Variants in CLDN10 observed in about 807,000 individuals in gnomAD.
The protein encoded by CLDN10 is claudin 10.
In CLDN10, 15 loss-of-function variants were observed where a neutral mutation model predicts 22.9. That is an observed-to-expected ratio of 0.65 (90% confidence interval 0.44 to 1.01). CLDN10 has a LOEUF of 1.01. Among genes scored for constraint, CLDN10 ranks in the 50% least tolerant of loss-of-function variants. The probability of loss-of-function intolerance (pLI) is 0.00; values close to 1 mark genes in which losing one functional copy is unlikely to be tolerated. For synonymous variants in CLDN10, 114 were observed against 111.4 expected, an observed-to-expected ratio of 1.02 and a Z score of -0.15; for missense variants, 247 against 287.8, an observed-to-expected ratio of 0.86 and a Z score of 1.03.
intron 1 of CLDN10, among the ~76,000 whole-genome samples, chr13:95,500,925 T>C (rs1272756173): frequency 6.6e-6 from 1 of 151,602 alleles, no homozygotes; most frequent in African/African-American, 2.4e-5. Context: ...GCAAAAGGAG[T>C]GGAAGAAGCA....
At chr13:95,456,329 T>A (rs2042481519) in intron 1 of CLDN10, among the ~76,000 whole-genome samples, 2 of 152,174 alleles carry the variant, frequency 1.3e-5, no homozygotes, top group South Asian at 4.1e-4. Flanking sequence ...CTGTTCCTTG[T>A]CTCCACAAAT....
intron 1 of CLDN10, among the ~76,000 whole-genome samples, chr13:95,440,156 C>T (rs2042311317): frequency 6.6e-6 from 1 of 152,114 alleles, no homozygotes; most frequent in African/African-American, 2.4e-5. Context: ...TCGTGATCCA[C>T]CCACCTCAGC....
intron 1 of CLDN10, among the ~76,000 whole-genome samples, chr13:95,442,559 A>G (rs535590740): frequency 1.3e-5 from 2 of 152,338 alleles, no homozygotes; most frequent in African/African-American, 4.8e-5. Flanking sequence ...TGAGTCAATC[A>G]CACGTTCTAA....
chr13:95,532,296 C>A (rs531706735), intron 1 of CLDN10, among the ~76,000 whole-genome samples: 17 of 152,058 alleles, frequency 1.1e-4, no homozygotes, highest in African/African-American at 4.1e-4. Context: ...ACAGCTCTTA[C>A]AAAAACAAAG....
chr13:95,539,779 C>A (rs923943080), intron 1 of CLDN10, among the ~76,000 whole-genome samples: 1 of 152,128 alleles, frequency 6.6e-6, no homozygotes, highest in African/African-American at 2.4e-5. Context: ...AGTTATAATT[C>A]TGTTTCTATA....
At chr13:95,522,199 T>C (rs533225612) in intron 1 of CLDN10, among the ~76,000 whole-genome samples, 1 of 152,024 alleles carries the variant, frequency 6.6e-6, no homozygotes, top group Non-Finnish European at 1.5e-5. Flanking sequence ...TCTTTTTCTG[T>C]TTATTTGAGA....
chr13:95,489,898 G>A (rs1347685819), intron 1 of CLDN10, among the ~76,000 whole-genome samples: 2 of 152,134 alleles, frequency 1.3e-5, no homozygotes, highest in Non-Finnish European at 2.9e-5. Context: ...TTTGTTTAAG[G>A]TGAGAGATGA....
chr13:95,461,447 T>G (rs1266121186), intron 1 of CLDN10, among the ~76,000 whole-genome samples: 1 of 152,228 alleles, frequency 6.6e-6, no homozygotes, highest in Non-Finnish European at 1.5e-5. Context: ...TGCCTTTGAT[T>G]CCTGTTCACT....
chr13:95,434,690 C>A (rs2042249341), intron 1 of CLDN10, among the ~76,000 whole-genome samples: 1 of 151,924 alleles, frequency 6.6e-6, no homozygotes, highest in African/African-American at 2.4e-5. Context: ...TTGGAACTGG[C>A]AAACGATGGC....
chr13:95,540,291 C>T (rs967582204), intron 1 of CLDN10, among the ~76,000 whole-genome samples: 1 of 137,278 alleles, frequency 7.3e-6, no homozygotes, highest in Non-Finnish European at 1.5e-5. Context: ...CAGAGGGAGA[C>T]TCTGTCTCAA....
At chr13:95,486,292 G>A (rs2042802493) in intron 1 of CLDN10, among the ~76,000 whole-genome samples, 2 of 152,276 alleles carry the variant, frequency 1.3e-5, no homozygotes, top group South Asian at 4.1e-4. Context: ...GGAGGCCGAT[G>A]TGGGTGGATC....
chr13:95,552,755 T>TGGCTAGCAC lies in CLDN10; in HGVS notation c.7_15dup (p.Thr4_Ser6dup). ...GCGAGCGCGGCTGCAGCCGGCGGCA[T>TGGCTAGCAC]GGCTAGCACGGCTTCGGAGATCATC... On this transcript the variant is annotated inframe_insertion, in exon 1 of 5. Transcript: ENST00000299339. 1.2e-6 allele frequency: 2 copies of TGGCTAGCAC among 1,608,666 alleles called. No homozygotes were observed. The highest frequency in any genetic ancestry group is 1.7e-6 in the Non-Finnish European group (2 of 1,177,912).
At position 95,488,448 on chromosome 13, in the gene CLDN10, A is replaced by T. The variant is rs564340493; in HGVS notation, c.214+54401A>T. On this transcript the variant is annotated intron_variant, in intron 1 of 4. Transcript: ENST00000376873. ...AAATTCTTTAGTGGTGATTTGTGAG[A>T]TTTTGGTGCATCCATCACCCGAGCA... Among the ~76,000 whole-genome samples the T allele has an allele frequency of 8.6e-4, 130 of 151,888 alleles. 3 individuals carry two copies. Among genetic ancestry groups the T allele is most frequent in the Admixed American group, 7.7e-3 (117 of 15,224 alleles).
At position 95,552,982 on chromosome 13, in the gene CLDN10, C is replaced by A. The variant is rs779532016; in HGVS notation, c.220+9C>A. 1 of 1,612,878 alleles carries A rather than the reference C, an allele frequency of 6.2e-7. No homozygotes were observed. Among genetic ancestry groups the A allele is most frequent in the African/African-American group, 1.3e-5 (1 of 74,928 alleles). On this transcript the variant is annotated intron_variant, in intron 1 of 4. Coordinates refer to ENST00000299339, the MANE Select transcript of CLDN10 (RefSeq NM_006984.5). ...CATGCTGGCGCTGGACGGTCTGCAT[C>A]CCCGCGGCCCCCGCCCTCAGCCCTC...
intron 3 of CLDN10, among the ~76,000 whole-genome samples, chr13:95,575,985 G>A (rs979228980): frequency 6.6e-6 from 1 of 152,148 alleles, no homozygotes; most frequent in Admixed American, 6.6e-5. Context: ...CCTGCTTCCT[G>A]CTCCCCTGGC....
At chr13:95,563,554 T>G (rs2043746020) in intron 3 of CLDN10, among the ~76,000 whole-genome samples, 2 of 152,190 alleles carry the variant, frequency 1.3e-5, no homozygotes, top group South Asian at 4.1e-4. Context: ...ATATTGAGAA[T>G]GAGTTGACTT....
intron 1 of CLDN10, among the ~76,000 whole-genome samples, chr13:95,472,768 A>G (rs1209093488): frequency 5.3e-5 from 8 of 152,000 alleles, no homozygotes; most frequent in Admixed American, 4.6e-4. Context: ...AATGTTTTTA[A>G]TTTGAGAGTG....
intron 1 of CLDN10, among the ~76,000 whole-genome samples, chr13:95,484,789 C>T (rs1013284228): frequency 3.4e-5 from 5 of 148,852 alleles, no homozygotes; most frequent in African/African-American, 1.2e-4. Flanking sequence ...TCGCTTGGAC[C>T]CAGGAGGTGG....
At chr13:95,565,262 G>C (rs2043770453) in intron 3 of CLDN10, among the ~76,000 whole-genome samples, 1 of 152,218 alleles carries the variant, frequency 6.6e-6, no homozygotes, top group South Asian at 2.1e-4. Flanking sequence ...CTTTCTGAAT[G>C]TCCAGCTTTG....
Sources: allele counts gnomAD v4.1 joint callset (sites outside exome capture counted in the v4.1 genomes callset), GRCh38; gene constraint gnomAD v4.1.1; transcripts MANE v1.5; gene names NCBI Gene and HGNC (gene_info 2026-07-23, HGNC 2026-07-21).